Variants in RUVBL1 observed in about 807,000 individuals in gnomAD.
The protein encoded by RUVBL1 is ruvB-like 1.
In RUVBL1, 4 loss-of-function variants were observed where a neutral mutation model predicts 52.4. The observed-to-expected ratio is 0.08, with a 90% CI of 0.04 to 0.17. RUVBL1 has a LOEUF of 0.17. RUVBL1 is among the 10% of genes least tolerant of loss of function. The pLI, the probability that RUVBL1 is intolerant of heterozygous loss-of-function variation, is 1.00. For synonymous variants in RUVBL1, 217 were observed against 214.4 expected, an observed-to-expected ratio of 1.01 and a Z score of -0.10; for missense variants, 298 against 572.8, an observed-to-expected ratio of 0.52 and a Z score of 4.90.
chr3:128,141,118 C>A (rs1944014857), intron 1 of RUVBL1, among the ~76,000 whole-genome samples: 1 of 152,076 alleles, frequency 6.6e-6, no homozygotes, highest in Non-Finnish European at 1.5e-5. Flanking sequence ...GTAAAAAAAG[C>A]AGGTCAATTG....
At chr3:128,093,470 A>G (rs1576450683) in intron 8 of RUVBL1, among the ~76,000 whole-genome samples, 1 of 151,940 alleles carries the variant, frequency 6.6e-6, no homozygotes, top group Non-Finnish European at 1.5e-5. Flanking sequence ...TGTATTTTAT[A>G]TGAATTATGT....
In RUVBL1 at chr3:128,153,364, C is replaced by T. The variant is rs1559843839; in HGVS notation, c.-201G>A. The stretch of plus-strand genomic sequence containing the variant: ...CACGGCGCTCGGCTGTGCCCGTGAG[C>T]CTCAGGAGGGCGGAAGCTTCCGGGC... On this transcript the variant is annotated 5_prime_UTR_variant, in exon 1 of 10. Transcript: ENST00000464873. 6 of 1,388,084 alleles carry T rather than the reference C, an allele frequency of 4.3e-6. No individual in the cohort carries two copies. The Admixed American group carries it at 1.8e-4, about 42-fold the overall frequency. The allele number at this position is 1,388,084 out of a possible 1,614,324, so 86.0% of individuals were successfully genotyped here.
intron 9 of RUVBL1, chr3:128,074,984 T>TGGCA (rs1942270108): frequency 6.6e-6 from 1 of 152,156 alleles, no homozygotes; most frequent in African/African-American, 2.4e-5. Context: ...CAAGACTGAC[T>TGGCA]GGCAGGCAGA....
At chr3:128,109,843 A>T (rs1943337431) in intron 3 of RUVBL1, among the ~76,000 whole-genome samples, 1 of 104,964 alleles carries the variant, frequency 9.5e-6, no homozygotes, top group Non-Finnish European at 1.8e-5. Flanking sequence ...TTTGAGACAG[A>T]GTCTCTCTGT....
intron 1 of RUVBL1, among the ~76,000 whole-genome samples, chr3:128,132,764 G>T (rs1008941810): frequency 1.9e-4 from 29 of 152,308 alleles, no homozygotes; most frequent in African/African-American, 6.7e-4. Context: ...TTTACCACGA[G>T]CCTTGGGTGA....
intron 2 of RUVBL1, among the ~76,000 whole-genome samples, chr3:128,116,180 TA>T (rs1017915259): frequency 2.7e-5 from 4 of 145,564 alleles, no homozygotes; most frequent in South Asian, 2.2e-4. Flanking sequence ...ACATTACAAT[TA>T]AAAAAAAAAC....
rs916729649 is a variant in RUVBL1, at chr3:128,123,498, T to A, written c.141+86A>T. ...TGGCGGGAGACCCCTGGCGCGCGCATCCCGCCCCGAGCCACCGACTTCAGC... is the reference window on the plus strand; with the variant it reads ...TGGCGGGAGACCCCTGGCGCGCGCAACCCGCCCCGAGCCACCGACTTCAGC... On this transcript the variant is annotated intron_variant, in intron 1 of 10. Coordinates refer to ENST00000322623, the MANE Select transcript of RUVBL1 (RefSeq NM_003707.3). 2.9e-6 allele frequency: 4 copies of A among 1,368,518 alleles called. No individual in the cohort carries two copies. The Admixed American group carries it at 1.0e-4, about 35-fold the overall frequency. The allele number at this position is 1,368,518 out of a possible 1,614,324, so 84.8% of individuals were successfully genotyped here.
chr3:128,127,987 A>T (rs575987549), upstream of RUVBL1, among the ~76,000 whole-genome samples: 15 of 151,824 alleles, frequency 9.9e-5, no homozygotes, highest in South Asian at 3.1e-3. Flanking sequence ...ACAGAGTGAG[A>T]CCCTGTCTCA....
intron 9 of RUVBL1, chr3:128,075,001 G>A (rs1942271167): frequency 6.6e-6 from 1 of 152,242 alleles, no homozygotes; most frequent in African/African-American, 2.4e-5. Flanking sequence ...CAGACAGGGG[G>A]ATGGGCAGTG....
chr3:128,133,589 CTCTG>C (rs1943910431), intron 1 of RUVBL1, among the ~76,000 whole-genome samples: 2 of 152,246 alleles, frequency 1.3e-5, no homozygotes, highest in Admixed American at 6.5e-5. Context: ...GAACAAGAGT[CTCTG>C]TCTGGTAATC....
intron 1 of RUVBL1, among the ~76,000 whole-genome samples, chr3:128,145,637 G>A (rs1004879387): frequency 6.6e-6 from 1 of 152,122 alleles, no homozygotes; most frequent in Non-Finnish European, 1.5e-5. Context: ...AAACGGAGAG[G>A]AGCATGGCAG....
rs1380338260 is a variant in RUVBL1, at chr3:128,082,735, G to A, written c.1120-161C>T. The stretch of plus-strand genomic sequence containing the variant: ...GAGCCAACGCCTGCCCAGCACTGCC[G>A]GCCCGGCACCCTCCAGGAGGCATGT... On this transcript the variant is annotated intron_variant, in intron 9 of 10. Transcript: ENST00000322623. The surrounding 1 kb of genome is among the most constrained non-coding windows in gnomAD (Gnocchi z 4.7). 8.4e-6 allele frequency: 5 copies of A among 594,800 alleles called. No homozygotes were observed. Among genetic ancestry groups the A allele is most frequent in the Non-Finnish European group, 1.5e-5 (5 of 337,942 alleles). 36.8% of individuals were successfully genotyped at this position (594,800 alleles called of 1,614,324 possible).
At chr3:128,126,714 CTTTCA>C (rs1275862914), upstream of RUVBL1, among the ~76,000 whole-genome samples, 1 of 152,218 alleles carries the variant, frequency 6.6e-6, no homozygotes, top group Non-Finnish European at 1.5e-5. Flanking sequence ...CAGACAATTT[CTTTCA>C]TTTCAACAGA....
At chr3:128,108,561 C>T (rs547966596) in intron 3 of RUVBL1, among the ~76,000 whole-genome samples, 3 of 151,974 alleles carry the variant, frequency 2.0e-5, no homozygotes, top group Non-Finnish European at 4.4e-5. Context: ...GGACCAGACA[C>T]GGTGGTTCAC....
intron 9 of RUVBL1, chr3:128,075,709 A>T (rs1246631602): frequency 1.3e-5 from 2 of 151,844 alleles, no homozygotes; most frequent in Non-Finnish European, 2.9e-5. Context: ...GCGGGGGCGG[A>T]GCCTGGGCCC....
upstream of RUVBL1, among the ~76,000 whole-genome samples, chr3:128,126,895 T>C (rs944638595): frequency 3.9e-5 from 6 of 152,208 alleles, no homozygotes; most frequent in African/African-American, 7.2e-5. Context: ...TGAGTCTGCG[T>C]AGTTTGGGCG....
chr3:128,075,404 G>A (rs1484831846), intron 9 of RUVBL1, among the ~76,000 whole-genome samples: 3 of 152,200 alleles, frequency 2.0e-5, no homozygotes, highest in Admixed American at 6.5e-5. Context: ...AGGAGGCAGG[G>A]GGCAGGTGTC....
At chr3:128,128,065 C>T (rs72970119), upstream of RUVBL1, among the ~76,000 whole-genome samples, 134 of 151,726 alleles carry the variant, frequency 8.8e-4, 1 homozygote, top group African/African-American at 3.1e-3. Flanking sequence ...AATACATAAA[C>T]GTTGTGTTAG....
At chr3:128,068,121 C>A in intron 9 of RUVBL1, 2 of 1,344,036 alleles carry the variant, frequency 1.5e-6, no homozygotes, top group Non-Finnish European at 2.1e-6. Flanking sequence ...TCTTTCCATG[C>A]AGGGCATCCT....
Sources: gnomAD v4.1 joint callset for allele counts (sites outside exome capture counted in the v4.1 genomes callset) on GRCh38, gnomAD v4.1.1 for gene constraint, Gnocchi (gnomAD v3.1) non-coding constraint, MANE v1.5 for transcripts, NCBI Gene and HGNC (gene_info 2026-07-23, HGNC 2026-07-21) for gene names.